Variants in ERBB4 observed in about 807,000 individuals in gnomAD.
ERBB4 encodes the protein erb-b2 receptor tyrosine kinase 4.
A neutral mutation model predicts 158.0 loss-of-function variants in ERBB4; 42 were observed. That is an observed-to-expected ratio of 0.27 (90% CI 0.21 to 0.34). The LOEUF (loss-of-function observed/expected upper bound fraction) is 0.34. ERBB4 is among the 10% of genes least tolerant of loss of function. The pLI is 1.00. For synonymous variants in ERBB4, 583 were observed against 558.7 expected (o/e 1.04, Z -0.61); for missense variants, 1,333 against 1,624.1 (o/e 0.82, Z 3.08).
chr2:211,550,777 G>T (rs2067071898), intron 20 of ERBB4, among the ~76,000 whole-genome samples: 1 of 145,852 alleles, frequency 6.9e-6, no homozygotes. Flanking sequence ...TCTTTACAAA[G>T]CAATACACTT....
chr2:211,756,885 T>C (rs1223135802), intron 4 of ERBB4, among the ~76,000 whole-genome samples: 2 of 152,232 alleles, frequency 1.3e-5, no homozygotes, highest in Non-Finnish European at 2.9e-5. Flanking sequence ...TGTAAAAATC[T>C]AGCAGTCTCT....
At chr2:212,421,722 A>G (rs2091796791) in intron 1 of ERBB4, among the ~76,000 whole-genome samples, 2 of 152,222 alleles carry the variant, frequency 1.3e-5, no homozygotes, top group South Asian at 2.1e-4. Context: ...ATTTGAAGAC[A>G]TGAAAAATGG....
At chr2:212,044,829 T>G (rs189095161) in intron 2 of ERBB4, among the ~76,000 whole-genome samples, 9 of 152,238 alleles carry the variant, frequency 5.9e-5, no homozygotes, top group African/African-American at 2.2e-4. Context: ...TGATTGAAGC[T>G]GAAAAAATAT....
intron 4 of ERBB4, among the ~76,000 whole-genome samples, chr2:211,773,784 G>T (rs2075802379): frequency 6.7e-6 from 1 of 150,056 alleles, no homozygotes; most frequent in African/African-American, 2.4e-5. Flanking sequence ...ATATAAAGGA[G>T]AAATGTTAAC....
rs72946597 is a variant in ERBB4, at chr2:211,744,712, G to A, written c.622+5927C>T. On this transcript the variant is annotated intron_variant, in intron 5 of 27. Transcript: ENST00000342788. The stretch of plus-strand genomic sequence containing the variant: ...AGGATAACTCCCAGCACATTTGCTA[G>A]GAGACACCTGTGGGAAGATGTCAGC... 2.6e-3 allele frequency among the ~76,000 whole-genome samples: 393 copies of A among 152,294 alleles called. 2 individuals carry two copies. The highest frequency in any genetic ancestry group is 6.8e-3 in the Middle Eastern group (2 of 294).
chr2:211,746,575 T>A (rs1387946331), intron 5 of ERBB4, among the ~76,000 whole-genome samples: 2 of 152,134 alleles, frequency 1.3e-5, no homozygotes, highest in Non-Finnish European at 2.9e-5. Context: ...ACACCTGTAA[T>A]CCTAGCACTT....
intron 1 of ERBB4, among the ~76,000 whole-genome samples, chr2:212,185,021 C>CTTTTTTTTTTTATTTTT (rs1553584050): frequency 7.5e-6 from 1 of 132,514 alleles, no homozygotes; most frequent in African/African-American, 2.8e-5. Flanking sequence ...ACTTTTTTTT[C>CTTTTTTTTTTTATTTTT]TTTTTTTTTT....
At chr2:212,464,229 A>G (rs1400488366) in intron 1 of ERBB4, among the ~76,000 whole-genome samples, 1 of 152,068 alleles carries the variant, frequency 6.6e-6, no homozygotes, top group African/African-American at 2.4e-5. Context: ...TTTTTTCACT[A>G]TTGTGTCATA....
chr2:211,690,589 A>C (rs1214715540), intron 12 of ERBB4, among the ~76,000 whole-genome samples: 1 of 152,228 alleles, frequency 6.6e-6, no homozygotes, highest in Non-Finnish European at 1.5e-5. Context: ...TTTCCAGACC[A>C]ATAGATGATG....
chr2:212,436,638 T>C (rs763623168), intron 1 of ERBB4, among the ~76,000 whole-genome samples: 2 of 152,090 alleles, frequency 1.3e-5, no homozygotes, highest in Non-Finnish European at 2.9e-5. Flanking sequence ...TTGCCATTTT[T>C]GACACATGGG....
At chr2:212,315,710 T>C (rs914330602) in intron 1 of ERBB4, among the ~76,000 whole-genome samples, 1 of 151,458 alleles carries the variant, frequency 6.6e-6, no homozygotes, top group Non-Finnish European at 1.5e-5. Flanking sequence ...TCACACAAAG[T>C]GGTACTTAGC....
intron 20 of ERBB4, among the ~76,000 whole-genome samples, chr2:211,487,427 C>T (rs2065235369): frequency 6.6e-6 from 1 of 151,770 alleles, no homozygotes; most frequent in Non-Finnish European, 1.5e-5. Context: ...TTCCATGATA[C>T]CAAACTGTTT....
intron 4 of ERBB4, among the ~76,000 whole-genome samples, chr2:211,766,715 ACC>A (rs1347823221): frequency 6.6e-6 from 1 of 152,076 alleles, no homozygotes; most frequent in Non-Finnish European, 1.5e-5. Context: ...AAGGCAGGGA[ACC>A]TAACGCCGAT....
chr2:211,732,321 T>C (rs1465074885), intron 5 of ERBB4, among the ~76,000 whole-genome samples: 1 of 152,010 alleles, frequency 6.6e-6, no homozygotes. Flanking sequence ...CCACAGTGTA[T>C]TATCTAACAT....
intron 5 of ERBB4, among the ~76,000 whole-genome samples, chr2:211,745,695 C>G (rs1486032969): frequency 6.7e-6 from 1 of 148,884 alleles, no homozygotes; most frequent in Non-Finnish European, 1.5e-5. Context: ...TTTCATTGTG[C>G]CCCCCACCCT....
At chr2:211,922,204 T>G (rs1379304908) in intron 3 of ERBB4, among the ~76,000 whole-genome samples, 1 of 152,098 alleles carries the variant, frequency 6.6e-6, no homozygotes, top group Non-Finnish European at 1.5e-5. Flanking sequence ...TCACCAATGC[T>G]CTTAACAGCA....
intron 1 of ERBB4, among the ~76,000 whole-genome samples, chr2:212,314,712 A>G (rs1261633211): frequency 1.3e-5 from 2 of 151,186 alleles, no homozygotes; most frequent in East Asian, 3.9e-4. Flanking sequence ...GAAAATATCA[A>G]TTAATAATGA....
chr2:211,636,069 TC>T (rs1217552257), intron 16 of ERBB4, among the ~76,000 whole-genome samples: 2 of 151,144 alleles, frequency 1.3e-5, no homozygotes, highest in African/African-American at 4.8e-5. Flanking sequence ...CACTTGCTTA[TC>T]TATGGGCACT....
intron 20 of ERBB4, among the ~76,000 whole-genome samples, chr2:211,543,180 C>G (rs944076700): frequency 1.2e-4 from 18 of 151,942 alleles, no homozygotes; most frequent in Middle Eastern, 3.4e-3. Flanking sequence ...TGTTTATCAG[C>G]CTTTTTCGCA....
Sources: allele counts gnomAD v4.1 joint callset (sites outside exome capture counted in the v4.1 genomes callset), GRCh38; gene constraint gnomAD v4.1.1; transcripts MANE v1.5; gene names NCBI Gene and HGNC (gene_info 2026-07-23, HGNC 2026-07-21).